The following DCT variants were observed in gnomAD, a reference collection of about 807,000 sequenced individuals.
DCT encodes L-dopachrome tautomerase.
DCT carries 47 observed loss-of-function variants against 53.0 expected under a neutral mutation model. That is an observed-to-expected ratio of 0.89 (90% CI 0.70 to 1.13). The LOEUF (loss-of-function observed/expected upper bound fraction) is 1.13. Among genes scored for constraint, DCT ranks in the 50% most tolerant of loss-of-function variants. DCT has a pLI of 0.00. For synonymous variants in DCT, 244 were observed against 237.0 expected, an observed-to-expected ratio of 1.03 and a Z score of -0.27; for missense variants, 669 against 637.4, an observed-to-expected ratio of 1.05 and a Z score of -0.53.
At chr13:94,484,337 T>C (rs549996481), upstream of DCT, among the ~76,000 whole-genome samples, 1 of 152,026 alleles carries the variant, frequency 6.6e-6, no homozygotes, top group East Asian at 1.9e-4. Flanking sequence ...TTAGGGAGAG[T>C]CAAGAAGTAT....
the DCT span, among the ~76,000 whole-genome samples, chr13:94,548,690 G>C: frequency 6.6e-6 from 1 of 151,704 alleles, no homozygotes; most frequent in African/African-American, 2.4e-5. Context: ...TGATGCCCCT[G>C]AGTACCCACG....
the DCT span, among the ~76,000 whole-genome samples, chr13:94,532,548 ACAC>A: frequency 6.6e-6 from 1 of 152,200 alleles, no homozygotes; most frequent in Non-Finnish European, 1.5e-5. Flanking sequence ...AGAAAACCAA[ACAC>A]CACATGTTCT....
At chr13:94,455,534 T>C (rs2139310332) in intron 6 of DCT, among the ~76,000 whole-genome samples, 1 of 152,300 alleles carries the variant, frequency 6.6e-6, no homozygotes, top group East Asian at 1.9e-4. Context: ...AAATAACGTT[T>C]TATTGGAACA....
At chr13:94,491,561 G>A in the DCT span, among the ~76,000 whole-genome samples, 4 of 152,110 alleles carry the variant, frequency 2.6e-5, no homozygotes, top group African/African-American at 4.8e-5. Flanking sequence ...GATAATAAAC[G>A]GTGAAACTGG....
intron 1 of DCT, among the ~76,000 whole-genome samples, chr13:94,476,139 T>C (rs1477002937): frequency 1.3e-5 from 2 of 151,734 alleles, no homozygotes; most frequent in Non-Finnish European, 2.9e-5. Flanking sequence ...ACAGGCCCTA[T>C]TTATTTCTGG....
intron 5 of DCT, 46 bp from the exon 6 acceptor site, chr13:94,460,272 AGGTCT>A (rs1225962864): frequency 6.3e-7 from 1 of 1,579,796 alleles, no homozygotes; most frequent in South Asian, 1.1e-5. Flanking sequence ...AGACTGATAA[AGGTCT>A]CTTTTTTGTT....
At chr13:94,496,517 T>A in the DCT span, among the ~76,000 whole-genome samples, 1 of 152,092 alleles carries the variant, frequency 6.6e-6, no homozygotes, top group African/African-American at 2.4e-5. Flanking sequence ...ATTAACATTA[T>A]TAACATTTTC....
chr13:94,478,852 C>T, intron 1 of DCT, 109 bp downstream of exon 1: 1 of 1,160,876 alleles, frequency 8.6e-7, no homozygotes, highest in Non-Finnish European at 1.2e-6. Flanking sequence ...ATTGGTTTGC[C>T]TTTCAAAGCC....
chr13:94,471,445 TTTAAG>T (rs1884640325), intron 1 of DCT, among the ~76,000 whole-genome samples: 1 of 152,190 alleles, frequency 6.6e-6, no homozygotes, highest in African/African-American at 2.4e-5. Context: ...TTTTGAATAG[TTTAAG>T]TTAAACATTA....
intron 1 of DCT, among the ~76,000 whole-genome samples, chr13:94,477,598 T>C (rs1385264635): frequency 3.9e-5 from 6 of 152,052 alleles, no homozygotes; most frequent in Admixed American, 3.9e-4. Flanking sequence ...CTGTGCAATA[T>C]ATCTATGTCA....
At chr13:94,537,747 A>G in the DCT span, among the ~76,000 whole-genome samples, 1 of 152,236 alleles carries the variant, frequency 6.6e-6, no homozygotes, top group African/African-American at 2.4e-5. Flanking sequence ...AGATGTAAAC[A>G]AGCAATTCTT....
intron 7 of DCT, among the ~76,000 whole-genome samples, chr13:94,440,675 G>GTTTT (rs1882228183): frequency 1.2e-5 from 1 of 86,742 alleles, no homozygotes; most frequent in African/African-American, 5.0e-5. Context: ...TTCATTTTTT[G>GTTTT]GTTTTTTTTT....
intron 6 of DCT, among the ~76,000 whole-genome samples, chr13:94,453,833 C>CTGTA (rs1883249416): frequency 6.6e-6 from 1 of 152,194 alleles, no homozygotes; most frequent in African/African-American, 2.4e-5. Context: ...CCACATAGAA[C>CTGTA]TGTAAGTCCA....
intron 2 of DCT, 141 bp from the exon 3 acceptor site, chr13:94,466,799 A>G (rs535199913): frequency 2.0e-5 from 9 of 455,196 alleles, no homozygotes; most frequent in African/African-American, 6.0e-5. Flanking sequence ...TGTTATTTAT[A>G]TCTCCAAAAG....
At chr13:94,492,903 C>T in the DCT span, among the ~76,000 whole-genome samples, 8 of 152,194 alleles carry the variant, frequency 5.3e-5, no homozygotes, top group South Asian at 4.1e-4. Context: ...GACCCCTGAT[C>T]GACGTACATA....
chr13:94,548,001 A>C, the DCT span, among the ~76,000 whole-genome samples: 2 of 135,644 alleles, frequency 1.5e-5, no homozygotes, highest in Non-Finnish European at 3.1e-5. Context: ...ATATATATAT[A>C]TATCTTCTCT....
intron 6 of DCT, among the ~76,000 whole-genome samples, chr13:94,458,637 A>C (rs1216372317): frequency 6.6e-6 from 1 of 151,982 alleles, no homozygotes; most frequent in African/African-American, 2.4e-5. Flanking sequence ...CCTTGTCTCT[A>C]GTAAAAATAT....
chr13:94,440,420 G>A (rs991725888), intron 7 of DCT, among the ~76,000 whole-genome samples: 3 of 152,068 alleles, frequency 2.0e-5, no homozygotes, highest in African/African-American at 7.2e-5. Context: ...AATGGCATCT[G>A]GGGAGCTGCA....
chr13:94,488,781 A>G, the DCT span, among the ~76,000 whole-genome samples: 1 of 151,674 alleles, frequency 6.6e-6, no homozygotes, highest in East Asian at 1.9e-4. Flanking sequence ...CCATATATAT[A>G]CATACATATA....
Sources: allele counts gnomAD v4.1 joint callset (sites outside exome capture counted in the v4.1 genomes callset), GRCh38; gene constraint gnomAD v4.1.1; transcripts MANE v1.5; gene names NCBI Gene and HGNC (gene_info 2026-07-23, HGNC 2026-07-21).